The following SH3RF3 variants were observed in gnomAD, a reference collection of about 807,000 sequenced individuals.
SH3RF3 encodes E3 ubiquitin-protein ligase SH3RF3.
In SH3RF3, 29 loss-of-function variants were observed where a neutral mutation model predicts 66.3. That is an observed-to-expected ratio of 0.44 (90% confidence interval 0.33 to 0.60). The LOEUF (loss-of-function observed/expected upper bound fraction) is 0.60. Ranked by LOEUF, SH3RF3 falls within the 20% of genes least tolerant of loss-of-function variation. The probability of loss-of-function intolerance (pLI) is 0.04; values close to 1 mark genes in which losing one functional copy is unlikely to be tolerated. For synonymous variants in SH3RF3, 583 were observed against 532.0 expected (o/e 1.10, Z -1.32); for missense variants, 1,194 against 1,190.9 (o/e 1.00, Z -0.04).
Position 109,129,801 on chromosome 2 carries a change from C to T in SH3RF3, c.261C>T (p.Cys87=). ...FCRRCLESIV[C]SRHELRCPEC... Reference sequence around the variant, plus strand: ...GCCGCTGCCTGGAGAGCATCGTGTGCTCGCGCCACGAGCTGCGCTGCCCCG... The same window carrying T: ...GCCGCTGCCTGGAGAGCATCGTGTGTTCGCGCCACGAGCTGCGCTGCCCCG... Residue 87 remains cysteine (C), a synonymous_variant, in exon 1 of 10, where the codon TGC becomes TGT. Transcript: ENST00000309415. 1.3e-6 allele frequency: 2 copies of T among 1,538,746 alleles called. No individual in the cohort carries two copies.
intron 6 of SH3RF3, among the ~76,000 whole-genome samples, chr2:109,434,379 T>A (rs111796688): frequency 0.013 from 1,993 of 152,328 alleles, 52 homozygotes; most frequent in African/African-American, 0.046. Flanking sequence ...CTCTGATTCT[T>A]CCTTTATCTT....
intron 1 of SH3RF3, among the ~76,000 whole-genome samples, chr2:109,189,558 G>A (rs551335206): frequency 3.3e-5 from 5 of 151,834 alleles, no homozygotes; most frequent in African/African-American, 9.7e-5. Flanking sequence ...TAGTAGAAGC[G>A]GGGTTTCACT....
chr2:109,149,359 A>C (rs777280664), intron 1 of SH3RF3, among the ~76,000 whole-genome samples: 1 of 152,222 alleles, frequency 6.6e-6, no homozygotes, highest in Non-Finnish European at 1.5e-5. Context: ...ATCAAGAGTC[A>C]AGTGTCTGGC....
chr2:109,237,418 T>C (rs547800095), intron 1 of SH3RF3, among the ~76,000 whole-genome samples: 1 of 152,292 alleles, frequency 6.6e-6, no homozygotes, highest in East Asian at 1.9e-4. Context: ...AACAAGTCTA[T>C]GGAGAAGGTT....
intron 1 of SH3RF3, among the ~76,000 whole-genome samples, chr2:109,157,179 G>T (rs1677366722): frequency 6.6e-6 from 1 of 152,096 alleles, no homozygotes; most frequent in African/African-American, 2.4e-5. Flanking sequence ...TTATCAGAGG[G>T]GATCATAGTA....
chr2:109,191,116 A>G (rs1678344484), intron 1 of SH3RF3, among the ~76,000 whole-genome samples: 2 of 152,130 alleles, frequency 1.3e-5, no homozygotes, highest in Non-Finnish European at 2.9e-5. Context: ...GATTGGAGAG[A>G]GATCCAGAGG....
chr2:109,316,575 C>T (rs1474286016), intron 1 of SH3RF3, among the ~76,000 whole-genome samples: 1 of 152,180 alleles, frequency 6.6e-6, no homozygotes, highest in African/African-American at 2.4e-5. Context: ...GTTTTAGGTT[C>T]ACAGCAAGAT....
At chr2:109,413,320 G>T (rs1219223645) in intron 4 of SH3RF3, among the ~76,000 whole-genome samples, 2 of 152,150 alleles carry the variant, frequency 1.3e-5, no homozygotes, top group African/African-American at 2.4e-5. Flanking sequence ...CACCATGTTG[G>T]CCAGGCTGGT....
chr2:109,162,382 T>G, intron 1 of SH3RF3, among the ~76,000 whole-genome samples: 1 of 152,204 alleles, frequency 6.6e-6, no homozygotes, highest in East Asian at 1.9e-4. Flanking sequence ...CTCTTAGGGC[T>G]CCTCAACCTT....
rs570169352 is a variant in SH3RF3 at position 109,201,345 on chromosome 2, A to G, written c.573+71232A>G. Among the ~76,000 whole-genome samples, 13 of 152,334 alleles carry G rather than the reference A, an allele frequency of 8.5e-5. No individual in the cohort carries two copies. In the East Asian group the frequency reaches 1.7e-3, roughly 20 times the overall value. Reference sequence around the variant, plus strand: ...CCCTGATCTGTGACCTAGAACCCACAGGTACATGGCCTGGGCTTTGGGCCT... The same window carrying G: ...CCCTGATCTGTGACCTAGAACCCACGGGTACATGGCCTGGGCTTTGGGCCT... On this transcript the variant is annotated intron_variant, in intron 1 of 9. Coordinates refer to ENST00000309415, the MANE Select transcript of SH3RF3 (RefSeq NM_001099289.3).
intron 3 of SH3RF3, among the ~76,000 whole-genome samples, chr2:109,373,565 G>A (rs1166277759): frequency 2.0e-5 from 3 of 152,036 alleles, no homozygotes; most frequent in Middle Eastern, 3.4e-3. Context: ...AGTAAATGCC[G>A]TATGGGTTTT....
At chr2:109,337,284 C>G (rs1682443562) in intron 1 of SH3RF3, among the ~76,000 whole-genome samples, 1 of 152,230 alleles carries the variant, frequency 6.6e-6, no homozygotes, top group Non-Finnish European at 1.5e-5. Flanking sequence ...ACCCTCTCCT[C>G]TCCCCACAGC....
At chr2:109,192,203 T>C (rs984298374) in intron 1 of SH3RF3, among the ~76,000 whole-genome samples, 3 of 152,220 alleles carry the variant, frequency 2.0e-5, no homozygotes, top group Admixed American at 2.0e-4. Context: ...CACAGGCTAC[T>C]GAACCTCTTT....
chr2:109,288,670 G>GT (rs1364129663), intron 1 of SH3RF3, among the ~76,000 whole-genome samples: 2 of 152,096 alleles, frequency 1.3e-5, no homozygotes, highest in African/African-American at 2.4e-5. Flanking sequence ...ACTCAATTAC[G>GT]TTTTTTTCTC....
Position 109,504,356 on chromosome 2 carries a change from C to G in SH3RF3, c.*2685C>G, listed in dbSNP as rs1201209317. ...ACCGAGGGGACAGGACTGCAGGCCA[C>G]CAGGGGCCTCTGCCCAGAGGGAGGC... On this transcript the variant is annotated 3_prime_UTR_variant, in exon 10 of 10. Transcript: ENST00000309415. 6.6e-6 allele frequency: 1 copy of G among 152,224 alleles called. No individual in the cohort carries two copies. The highest frequency in any genetic ancestry group is 1.5e-5 in the Non-Finnish European group (1 of 68,070). 9.4% of individuals were successfully genotyped at this position (152,224 alleles called of 1,614,324 possible).
intron 8 of SH3RF3, among the ~76,000 whole-genome samples, chr2:109,475,076 C>G (rs1219952329): frequency 1.3e-5 from 2 of 152,140 alleles, no homozygotes; most frequent in Admixed American, 1.3e-4. Flanking sequence ...CTCCCAGGTT[C>G]GAGCGATCCT....
In SH3RF3 at chr2:109,493,551, CACAT is replaced by C. The variant is rs1482197363; in HGVS notation, c.2480+2622_2480+2625del. Among the ~76,000 whole-genome samples, 995 of 150,826 alleles carry C rather than the reference CACAT, an allele frequency of 6.6e-3. 16 individuals carry two copies. Among genetic ancestry groups the C allele is most frequent in the African/African-American group, 0.023 (946 of 41,050 alleles). On this transcript the variant is annotated intron_variant, in intron 9 of 9. Transcript: ENST00000309415. The stretch of plus-strand genomic sequence containing the variant: ...ATACCCACACCCTTCACACACCATA[CACAT>C]ACATACCATACACACTGCACACACC...
In SH3RF3 at chr2:109,347,874, G is replaced by A. The variant is rs182492853; in HGVS notation, c.774G>A (p.Pro258=). 2,238 of 1,612,872 alleles carry A rather than the reference G, an allele frequency of 1.4e-3. 6 individuals carry two copies. The highest frequency in any genetic ancestry group is 1.7e-3 in the Non-Finnish European group (2,029 of 1,179,440). ...IQCIQPLPHA[P]PQGKALYDFE... ...GCATCCAGCCCTTGCCACACGCCCC[G>A]CCCCAGGGAAAAGCACTTTATGATT... Residue 258 remains proline (P), a synonymous_variant, in exon 2 of 10, where the codon CCG becomes CCA. Coordinates refer to ENST00000309415, the MANE Select transcript of SH3RF3 (RefSeq NM_001099289.3).
chr2:109,185,437 G>C (rs1038485333), intron 1 of SH3RF3, among the ~76,000 whole-genome samples: 1 of 152,210 alleles, frequency 6.6e-6, no homozygotes, highest in South Asian at 2.1e-4. Context: ...TCCTTGATCC[G>C]AAGAGGCAAG....
Sources: allele counts gnomAD v4.1 joint callset (sites outside exome capture counted in the v4.1 genomes callset), GRCh38; gene constraint gnomAD v4.1.1; transcripts MANE v1.5; gene names NCBI Gene and HGNC (gene_info 2026-07-23, HGNC 2026-07-21).